Variants in OR4D1 observed in about 807,000 individuals in gnomAD.
OR4D1 encodes olfactory receptor 4D1.
OR4D1 carries 10 observed loss-of-function variants against 14.2 expected under a neutral mutation model. The ratio of observed to expected loss-of-function variants is 0.71; its 90% CI spans 0.44 to 1.20. The LOEUF is 1.20. Among genes scored for constraint, OR4D1 ranks in the 50% most tolerant of loss-of-function variants. OR4D1 has a pLI of 0.00. For missense variants in OR4D1, 345 were observed against 376.6 expected, an observed-to-expected ratio of 0.92 and a Z score of 0.70; for synonymous variants, 141 against 147.4, an observed-to-expected ratio of 0.96 and a Z score of 0.32.
rs1967818247 is a variant in OR4D1, at chr17:58,159,087, T to G, written c.*3001T>G. 1 of 152,210 alleles carries G rather than the reference T, an allele frequency of 6.6e-6. No homozygotes were observed. The highest frequency in any genetic ancestry group is 2.1e-4 in the South Asian group (1 of 4,830). The allele number at this position is 152,210 out of a possible 1,614,324, so 9.4% of individuals were successfully genotyped here. On this transcript the variant is annotated 3_prime_UTR_variant, in exon 4 of 4. Coordinates refer to ENST00000268912, the MANE Select transcript of OR4D1 (RefSeq NM_001386095.1). ...TATTATATCTTATTCTGAATTAAAT[T>G]AAACATGTTTTATTGCAAAAAAAAG...
At position 58,156,545 on chromosome 17, in the gene OR4D1, G is replaced by C. The variant is rs1005777526; in HGVS notation, c.*459G>C. 1 of 168,648 alleles carries C rather than the reference G, an allele frequency of 5.9e-6. No individual in the cohort carries two copies. The highest frequency in any genetic ancestry group is 1.7e-4 in the East Asian group (1 of 5,742). 10.4% of individuals were successfully genotyped at this position (168,648 alleles called of 1,614,324 possible). Reference sequence around the variant, plus strand: ...ATTACAGGCGTGAGCCACAGCGCCCGGCCTAACACTTCCACAGTTTTATCT... The same window carrying C: ...ATTACAGGCGTGAGCCACAGCGCCCCGCCTAACACTTCCACAGTTTTATCT... On this transcript the variant is annotated 3_prime_UTR_variant, in exon 4 of 4. Coordinates refer to ENST00000268912, the MANE Select transcript of OR4D1 (RefSeq NM_001386095.1).
At chr17:58,152,828 A>T (rs1397964963) in intron 2 of OR4D1, among the ~76,000 whole-genome samples, 1 of 152,074 alleles carries the variant, frequency 6.6e-6, no homozygotes, top group Admixed American at 6.5e-5. Flanking sequence ...CCAGCTACTT[A>T]GGGGGCTGAG....
At position 58,158,449 on chromosome 17, in the gene OR4D1, A is replaced by ACCCCCCCCCCCCCCCC. The variant is rs141202898; in HGVS notation, c.*2373_*2374insCCCCCCCCCCCCCCCC. On this transcript the variant is annotated 3_prime_UTR_variant, in exon 4 of 4. Coordinates refer to ENST00000268912, the MANE Select transcript of OR4D1 (RefSeq NM_001386095.1). ...TTTGTTCCTATCTCTCCCCACGCCC[A>ACCCCCCCCCCCCCCCC]CCCCCCCCCCACACACACATTTTTA... The ACCCCCCCCCCCCCCCC allele has an allele frequency of 2.6e-5, 3 of 114,572 alleles. No homozygotes were observed. Among genetic ancestry groups the ACCCCCCCCCCCCCCCC allele is most frequent in the Non-Finnish European group, 5.4e-5 (3 of 55,878 alleles). 7.1% of individuals were successfully genotyped at this position (114,572 alleles called of 1,614,324 possible).
chr17:58,157,994 T>C lies in OR4D1; in HGVS notation c.*1908T>C. ...TTTAGGCGGAGGCACCAAGCCTTGT[T>C]TTCTTGGTGTAATCTTCCAGGTGCC... On this transcript the variant is annotated 3_prime_UTR_variant, in exon 4 of 4. Transcript: ENST00000268912. 1 of 480,962 alleles carries C rather than the reference T, an allele frequency of 2.1e-6. No individual in the cohort carries two copies. Among genetic ancestry groups the C allele is most frequent in the Non-Finnish European group, 3.7e-6 (1 of 271,144 alleles). The allele number at this position is 480,962 out of a possible 1,614,324, so 29.8% of individuals were successfully genotyped here.
intron 2 of OR4D1, among the ~76,000 whole-genome samples, chr17:58,151,433 C>T (rs1414561427): frequency 1.3e-5 from 2 of 152,256 alleles, no homozygotes; most frequent in South Asian, 2.1e-4. Flanking sequence ...TCCCCCCTGA[C>T]GGGCCCCAGT....
At chr17:58,151,731 G>A (rs1156292958) in intron 2 of OR4D1, among the ~76,000 whole-genome samples, 1 of 152,144 alleles carries the variant, frequency 6.6e-6, no homozygotes, top group Non-Finnish European at 1.5e-5. Flanking sequence ...TTCTTAACTA[G>A]TATTTCATCC....
At chr17:58,151,589 C>T (rs1967705774) in intron 2 of OR4D1, among the ~76,000 whole-genome samples, 2 of 152,188 alleles carry the variant, frequency 1.3e-5, no homozygotes, top group Non-Finnish European at 2.9e-5. Flanking sequence ...CCGCAAAGGA[C>T]ATGATCAATA....
chr17:58,157,674 C>A lies in OR4D1; in HGVS notation c.*1588C>A. On this transcript the variant is annotated 3_prime_UTR_variant, in exon 4 of 4. Transcript: ENST00000268912. ...CCCTCCAGCTTCAGTCTCCCTTTCC[C>A]CATCAGCTCGCCCCTGCAGGCAGCG... 6.2e-7 allele frequency: 1 copy of A among 1,613,936 alleles called. No individual in the cohort carries two copies. Among genetic ancestry groups the A allele is most frequent in the Non-Finnish European group, 8.5e-7 (1 of 1,179,846 alleles).
intron 2 of OR4D1, among the ~76,000 whole-genome samples, chr17:58,150,703 C>T (rs975984660): frequency 1.3e-5 from 2 of 152,140 alleles, no homozygotes; most frequent in African/African-American, 4.8e-5. Context: ...AGGAATCCAG[C>T]GGTTCTGCAA....
chr17:58,157,913 G>A lies in OR4D1; in HGVS notation c.*1827G>A, dbSNP rs1967799296. On this transcript the variant is annotated 3_prime_UTR_variant, in exon 4 of 4. Transcript: ENST00000268912. ...TACTCCTGTTCTGCAAACCCTGAGT[G>A]CACCACCCTAAGCGGCTAGGCCGGC... The A allele has an allele frequency of 2.7e-6, 3 of 1,099,278 alleles. No individual in the cohort carries two copies. In the African/African-American group the frequency reaches 4.6e-5, roughly 17 times the overall value. The allele number at this position is 1,099,278 out of a possible 1,614,324, so 68.1% of individuals were successfully genotyped here. A position where few individuals can be genotyped will look rare whatever the true frequency, so the allele number is the denominator to read the frequency against.
At chr17:58,151,442 G>C (rs1331497701) in intron 2 of OR4D1, among the ~76,000 whole-genome samples, 3 of 152,190 alleles carry the variant, frequency 2.0e-5, no homozygotes, top group Admixed American at 2.0e-4. Context: ...ACGGGCCCCA[G>C]TGTGTGTTTT....
At position 58,156,914 on chromosome 17, in the gene OR4D1, A is replaced by G. The variant is rs1384070689; in HGVS notation, c.*828A>G. On this transcript the variant is annotated 3_prime_UTR_variant, in exon 4 of 4. Transcript: ENST00000268912. ...TGCCTCATTCCCCACTGTGGAATTT[A>G]GAAAGTTATCTCGCCCTCCCTCCTC... The G allele has an allele frequency of 1.7e-6, 1 of 603,058 alleles. No homozygotes were observed. The highest frequency in any genetic ancestry group is 3.0e-6 in the Non-Finnish European group (1 of 330,526). The allele number at this position is 603,058 out of a possible 1,614,324, so 37.4% of individuals were successfully genotyped here.
At position 58,157,241 on chromosome 17, in the gene OR4D1, G is replaced by GC; in HGVS notation, c.*1157dup. 1 of 1,465,716 alleles carries GC rather than the reference G, an allele frequency of 6.8e-7. No individual in the cohort carries two copies. The highest frequency in any genetic ancestry group is 1.4e-5 in the South Asian group (1 of 69,966). The allele number at this position is 1,465,716 out of a possible 1,614,324, so 90.8% of individuals were successfully genotyped here. The stretch of plus-strand genomic sequence containing the variant: ...GGGCCACCCTGCGGCTACTGCTGCT[G>GC]CCGGGGCACGGCGCTCGGGAAGCGC... On this transcript the variant is annotated 3_prime_UTR_variant, in exon 4 of 4. Transcript: ENST00000268912.
chr17:58,148,908 C>G (rs1011837855), intron 1 of OR4D1, among the ~76,000 whole-genome samples: 1 of 152,160 alleles, frequency 6.6e-6, no homozygotes, highest in Non-Finnish European at 1.5e-5. Context: ...CCTTCTCCTG[C>G]CTGCTTCTCT....
intron 2 of OR4D1, among the ~76,000 whole-genome samples, chr17:58,150,897 T>C (rs546007567): frequency 6.6e-6 from 1 of 152,348 alleles, no homozygotes; most frequent in East Asian, 1.9e-4. Context: ...GTGCTCATGC[T>C]AAGAAGTTTT....
At chr17:58,148,767 T>C (rs558581873) in intron 1 of OR4D1, among the ~76,000 whole-genome samples, 183 bp downstream of exon 1, 1 of 152,250 alleles carries the variant, frequency 6.6e-6, no homozygotes, top group Admixed American at 6.5e-5. Context: ...ACATACACTG[T>C]TATCTCCCCC....
In OR4D1 at chr17:58,149,616, C is replaced by T. The variant is rs1301061964; in HGVS notation, c.-307C>T. 1 of 152,318 alleles carries T rather than the reference C, an allele frequency of 6.6e-6. No individual in the cohort carries two copies. The highest frequency in any genetic ancestry group is 1.9e-4 in the East Asian group (1 of 5,184). 9.4% of individuals were successfully genotyped at this position (152,318 alleles called of 1,614,324 possible). ...CCATCCTCATGAAAAAATACCAAGG[C>T]ATAGCAACATTATGGAAGAGCTAAT... On this transcript the variant is annotated 5_prime_UTR_variant, in exon 2 of 4. Coordinates refer to ENST00000268912, the MANE Select transcript of OR4D1 (RefSeq NM_001386095.1).
chr17:58,155,354 T>C lies in OR4D1; in HGVS notation c.201T>C (p.Ala67=). 6.2e-7 allele frequency: 1 copy of C among 1,614,184 alleles called. No homozygotes were observed. Among genetic ancestry groups the C allele is most frequent in the Non-Finnish European group, 8.5e-7 (1 of 1,180,028 alleles). ...TGTATTTTCTGCTCCGAAATCTAGC[T>C]CTCATAGACCTCTGCTATTCCACAG... ...TPMYFLLRNL[A]LIDLCYSTVT... The change falls in exon 4 of 4, where the codon GCT becomes GCC. Residue 67 remains alanine (A), a synonymous_variant. Coordinates refer to ENST00000268912, the MANE Select transcript of OR4D1 (RefSeq NM_001386095.1).
Position 58,157,448 on chromosome 17 carries a change from A to G in OR4D1, c.*1362A>G. On this transcript the variant is annotated 3_prime_UTR_variant, in exon 4 of 4. Coordinates refer to ENST00000268912, the MANE Select transcript of OR4D1 (RefSeq NM_001386095.1). ...CAATCCGAAGCCGCGCACAGCCTTT[A>G]CCACGTCCCAGCTCCTCGCTCTGGA... The G allele has an allele frequency of 9.0e-7, 1 of 1,105,896 alleles. No individual in the cohort carries two copies. The highest frequency in any genetic ancestry group is 1.5e-5 in the African/African-American group (1 of 65,286). 68.5% of individuals were successfully genotyped at this position (1,105,896 alleles called of 1,614,324 possible).
Sources: gnomAD v4.1 joint callset for allele counts (sites outside exome capture counted in the v4.1 genomes callset) on GRCh38, gnomAD v4.1.1 for gene constraint, MANE v1.5 for transcripts, NCBI Gene and HGNC (gene_info 2026-07-23, HGNC 2026-07-21) for gene names.